The following TMBIM4 variants were observed in gnomAD, a reference collection of about 807,000 sequenced individuals.
The protein encoded by TMBIM4 is transmembrane BAX inhibitor motif containing 4, also known as protein lifeguard 4.
In TMBIM4, 28 loss-of-function variants were observed where a neutral mutation model predicts 27.7. The observed-to-expected ratio is 1.01, with a 90% CI of 0.75 to 1.38. The LOEUF is 1.38. Ranked by LOEUF, TMBIM4 falls within the 40% of genes most tolerant of loss-of-function variation. The pLI is 0.00. For synonymous variants in TMBIM4, 115 were observed against 113.1 expected, an observed-to-expected ratio of 1.02 and a Z score of -0.11; for missense variants, 265 against 277.5, an observed-to-expected ratio of 0.95 and a Z score of 0.32.
At chr12:66,162,250 A>C (rs1264447400) in intron 1 of TMBIM4, among the ~76,000 whole-genome samples, 1 of 152,188 alleles carries the variant, frequency 6.6e-6, no homozygotes, top group Non-Finnish European at 1.5e-5. Context: ...CCCACAGTCA[A>C]CTACAGTCTG....
intron 3 of TMBIM4, among the ~76,000 whole-genome samples, chr12:66,150,117 C>A (rs1254574052): frequency 6.6e-6 from 1 of 152,208 alleles, no homozygotes; most frequent in Non-Finnish European, 1.5e-5. Context: ...CTAGTGGGAC[C>A]TCTCCCTGCT....
chr12:66,167,400 T>C (rs1243403396), intron 1 of TMBIM4, among the ~76,000 whole-genome samples: 5 of 152,216 alleles, frequency 3.3e-5, no homozygotes, highest in African/African-American at 1.2e-4. Flanking sequence ...AATTTTGCTA[T>C]GAACCTAAAA....
intron 1 of TMBIM4, among the ~76,000 whole-genome samples, chr12:66,157,189 T>C (rs544700144): frequency 2.0e-5 from 3 of 152,246 alleles, no homozygotes; most frequent in Admixed American, 6.5e-5. Flanking sequence ...ATGGGGTCAA[T>C]AGCACCCCAT....
At chr12:66,166,418 C>T (rs1347727959) in intron 1 of TMBIM4, among the ~76,000 whole-genome samples, 65 of 142,208 alleles carry the variant, frequency 4.6e-4, no homozygotes, top group African/African-American at 1.6e-3. Context: ...TGAGTTGTGA[C>T]TGTACCACTG....
chr12:66,160,058 A>G, intron 1 of TMBIM4: 2 of 577,728 alleles, frequency 3.5e-6, no homozygotes, highest in Non-Finnish European at 6.2e-6. Context: ...TTATTGGGAC[A>G]CAATCACACT....
rs755659671 is a variant in TMBIM4, at chr12:66,153,457, G to GA, written c.98-10dup. The GA allele has an allele frequency of 4.5e-5, 66 of 1,452,476 alleles. No homozygotes were observed. In the African/African-American group the frequency reaches 4.6e-4, roughly 10 times the overall value. 90.0% of individuals were successfully genotyped at this position (1,452,476 alleles called of 1,614,324 possible). A position where few individuals can be genotyped will look rare whatever the true frequency, so the allele number is the denominator to read the frequency against. On this transcript the variant is annotated splice_polypyrimidine_tract_variant and intron_variant, in intron 1 of 6. Coordinates refer to ENST00000358230, the MANE Select transcript of TMBIM4 (RefSeq NM_016056.4). ...GACTTTTCTCAGAAAGGCTAAAAGA[G>GA]AAAAAAAATTACATTACTATTTTCT... is the stretch of plus-strand genomic sequence containing the variant.
chr12:66,148,096 C>A (rs548281453), intron 3 of TMBIM4, among the ~76,000 whole-genome samples, 155 bp from the exon 4 acceptor site: 10 of 152,240 alleles, frequency 6.6e-5, no homozygotes, highest in Admixed American at 6.5e-5. Flanking sequence ...GTAAACCCAC[C>A]ATAATGAAAA....
At chr12:66,162,760 C>T (rs566415222) in intron 1 of TMBIM4, among the ~76,000 whole-genome samples, 4 of 152,318 alleles carry the variant, frequency 2.6e-5, no homozygotes, top group Admixed American at 1.3e-4. Flanking sequence ...ATATCCCAAG[C>T]TGCAATTTTG....
chr12:66,140,746 T>C (rs137906814), intron 5 of TMBIM4, among the ~76,000 whole-genome samples: 7 of 152,174 alleles, frequency 4.6e-5, no homozygotes, highest in East Asian at 1.9e-4. Flanking sequence ...AATTTTTTTT[T>C]CCAAATTTGA....
chr12:66,160,802 C>G (rs888261057), intron 1 of TMBIM4, among the ~76,000 whole-genome samples: 1 of 151,974 alleles, frequency 6.6e-6, no homozygotes, highest in African/African-American at 2.4e-5. Flanking sequence ...AGGGCGGCGG[C>G]CGGGCAGAGG....
intron 5 of TMBIM4, among the ~76,000 whole-genome samples, chr12:66,140,134 G>T (rs2051643725): frequency 6.6e-6 from 1 of 152,068 alleles, no homozygotes; most frequent in African/African-American, 2.4e-5. Context: ...GCAAAAGAAT[G>T]AAGGAAATAT....
intron 1 of TMBIM4, among the ~76,000 whole-genome samples, chr12:66,165,124 C>A (rs966211712): frequency 6.6e-6 from 1 of 152,156 alleles, no homozygotes; most frequent in Non-Finnish European, 1.5e-5. Flanking sequence ...GATGTTCATA[C>A]TACCCAAAGT....
At chr12:66,148,605 T>C (rs2051790188) in intron 3 of TMBIM4, among the ~76,000 whole-genome samples, 1 of 152,166 alleles carries the variant, frequency 6.6e-6, no homozygotes, top group Admixed American at 6.5e-5. Context: ...ACTCTGTGGC[T>C]ATGGAAGTGA....
chr12:66,160,503 C>T (rs1005093444), intron 1 of TMBIM4, among the ~76,000 whole-genome samples: 8 of 152,078 alleles, frequency 5.3e-5, no homozygotes, highest in Non-Finnish European at 5.9e-5. Context: ...TATATACATA[C>T]TATGAAACTA....
chr12:66,169,886 G>A lies in TMBIM4; in HGVS notation c.66C>T (p.Ser22=). The A allele has an allele frequency of 6.7e-7, 1 of 1,503,512 alleles. No individual in the cohort carries two copies. Among genetic ancestry groups the A allele is most frequent in the Non-Finnish European group, 8.9e-7 (1 of 1,128,116 alleles). The allele number at this position is 1,503,512 out of a possible 1,614,324, so 93.1% of individuals were successfully genotyped here. A position where few individuals can be genotyped will look rare whatever the true frequency, so the allele number is the denominator to read the frequency against. Reference sequence around the variant, plus strand: ...GGATGTGCACGGTGGCGGAGGCCACGCTGCTGCCATAGTTGAAGTCGTCCT... The same window carrying A: ...GGATGTGCACGGTGGCGGAGGCCACACTGCTGCCATAGTTGAAGTCGTCCT... The part of the protein sequence containing the change: ...SIEDDFNYGS[S]VASATVHIRM... The change falls in exon 1 of 7, where the codon AGC becomes AGT. Residue 22 remains serine, a synonymous_variant. Transcript: ENST00000358230.
At chr12:66,165,691 C>A (rs2136887476) in intron 1 of TMBIM4, among the ~76,000 whole-genome samples, 1 of 152,176 alleles carries the variant, frequency 6.6e-6, no homozygotes, top group East Asian at 1.9e-4. Context: ...GGATAACAGT[C>A]CTTTATTAGA....
At chr12:66,146,917 G>T (rs1388586698) in intron 4 of TMBIM4, among the ~76,000 whole-genome samples, 1 of 152,018 alleles carries the variant, frequency 6.6e-6, no homozygotes, top group Non-Finnish European at 1.5e-5. Context: ...AATTACTGAG[G>T]AAAATAATGT....
At chr12:66,148,600 G>C (rs966893443) in intron 3 of TMBIM4, among the ~76,000 whole-genome samples, 2 of 152,146 alleles carry the variant, frequency 1.3e-5, no homozygotes, top group African/African-American at 4.8e-5. Context: ...TGGATACTCT[G>C]TGGCTATGGA....
chr12:66,150,234 T>C (rs2051822571), intron 3 of TMBIM4, among the ~76,000 whole-genome samples: 1 of 152,168 alleles, frequency 6.6e-6, no homozygotes, highest in East Asian at 1.9e-4. Flanking sequence ...TTTTTTTTTA[T>C]ACTTCCTCTT....
Sources: gnomAD v4.1 joint callset for allele counts (sites outside exome capture counted in the v4.1 genomes callset) on GRCh38, gnomAD v4.1.1 for gene constraint, MANE v1.5 for transcripts, NCBI Gene and HGNC (gene_info 2026-07-23, HGNC 2026-07-21) for gene names.